The following MCF2L variants were observed in gnomAD, a reference collection of about 807,000 sequenced individuals.
MCF2L encodes the protein guanine nucleotide exchange factor DBS.
In MCF2L, 97 loss-of-function variants were observed where a neutral mutation model predicts 153.4. The ratio of observed to expected loss-of-function variants is 0.63; its 90% confidence interval spans 0.54 to 0.75. The LOEUF is 0.75. Ranked by LOEUF, MCF2L falls within the 30% of genes least tolerant of loss-of-function variation. The pLI is 0.00. For missense variants in MCF2L, 1,347 were observed against 1,495.2 expected, an observed-to-expected ratio of 0.90 and a Z score of 1.64; for synonymous variants, 659 against 632.2, an observed-to-expected ratio of 1.04 and a Z score of -0.64.
chr13:112,915,844 C>T (rs1228098777), intron 2 of MCF2L, among the ~76,000 whole-genome samples: 1 of 152,110 alleles, frequency 6.6e-6, no homozygotes, highest in Non-Finnish European at 1.5e-5. Flanking sequence ...CAATATTATA[C>T]TGGCCTTCAG....
intron 1 of MCF2L, among the ~76,000 whole-genome samples, chr13:112,972,214 T>A (rs1344686317): frequency 2.0e-5 from 3 of 151,806 alleles, no homozygotes; most frequent in African/African-American, 7.3e-5. Context: ...CATGGATAAA[T>A]GAGTGGATGG....
At chr13:113,065,153 C>T (rs757034293) in intron 7 of MCF2L, 68 bp downstream of exon 7, 16 of 1,558,962 alleles carry the variant, frequency 1.0e-5, no homozygotes, top group South Asian at 4.7e-5. Flanking sequence ...CGCGGGGCTC[C>T]GGTCGGAAGC....
At chr13:112,895,126 C>T (rs1264600565) in intron 1 of MCF2L, among the ~76,000 whole-genome samples, 1 of 152,176 alleles carries the variant, frequency 6.6e-6, no homozygotes, top group Non-Finnish European at 1.5e-5. Context: ...TTGCCGTGGG[C>T]CCTCTGTGGC....
At chr13:113,032,858 C>T (rs774123972) in intron 3 of MCF2L, among the ~76,000 whole-genome samples, 2 of 152,238 alleles carry the variant, frequency 1.3e-5, no homozygotes, top group Non-Finnish European at 2.9e-5. Context: ...TGTGAGCCAT[C>T]GTGCCCGCCT....
At chr13:112,968,281 C>G (rs2081931716), upstream of MCF2L, among the ~76,000 whole-genome samples, 1 of 152,184 alleles carries the variant, frequency 6.6e-6, no homozygotes, top group African/African-American at 2.4e-5. Context: ...TAAGGAAGGG[C>G]ATGTTACCTA....
chr13:113,090,160 G>A (rs2035065764), intron 26 of MCF2L: 1 of 1,533,036 alleles, frequency 6.5e-7, no homozygotes, highest in African/African-American at 1.4e-5. Flanking sequence ...AGGTCAGAAA[G>A]GTAAAAGTAG....
chr13:112,919,395 C>T (rs1339389879), intron 2 of MCF2L, among the ~76,000 whole-genome samples: 2 of 151,484 alleles, frequency 1.3e-5, no homozygotes, highest in Non-Finnish European at 2.9e-5. Context: ...TTAGTAGAGA[C>T]GGGGTTTCAC....
At chr13:113,061,477 C>T (rs1480046017) in intron 5 of MCF2L, among the ~76,000 whole-genome samples, 2 of 152,140 alleles carry the variant, frequency 1.3e-5, no homozygotes, top group African/African-American at 2.4e-5. Flanking sequence ...CAGAGCACCC[C>T]ATGGCACCAG....
intron 2 of MCF2L, among the ~76,000 whole-genome samples, chr13:113,016,819 C>T (rs889062351): frequency 2.0e-5 from 3 of 152,218 alleles, no homozygotes; most frequent in South Asian, 2.1e-4. Context: ...TCTCCCTCCT[C>T]GCCTGCGCTC....
At chr13:112,954,183 T>A (rs1193716705) in intron 2 of MCF2L, among the ~76,000 whole-genome samples, 1 of 152,122 alleles carries the variant, frequency 6.6e-6, no homozygotes, top group African/African-American at 2.4e-5. Context: ...GCCTGCTCTG[T>A]CTCCCTGGAA....
chr13:113,066,448 G>C (rs371931113), intron 8 of MCF2L, among the ~76,000 whole-genome samples: 2 of 152,210 alleles, frequency 1.3e-5, no homozygotes, highest in Non-Finnish European at 2.9e-5. Flanking sequence ...TGAAGGAGGC[G>C]TTAGGGGAAG....
At position 113,027,857 on chromosome 13, in the gene MCF2L, G is replaced by A. The variant is rs2085409950; in HGVS notation, c.278+3099G>A. ...CTCAGACCACATGGCCGTACCCCGA[G>A]GACGTAGGCTCCAGGTGTGCTGTGG... On this transcript the variant is annotated intron_variant, in intron 3 of 29. Transcript: ENST00000535094. The surrounding 1 kb of genome is among the most constrained non-coding windows in gnomAD (Gnocchi z 4.8). Among the ~76,000 whole-genome samples, 1 of 152,230 alleles carries A rather than the reference G, an allele frequency of 6.6e-6. No homozygotes were observed.
chr13:113,087,977 A>G (rs1459305401), intron 23 of MCF2L, among the ~76,000 whole-genome samples, 178 bp downstream of exon 23: 1 of 152,228 alleles, frequency 6.6e-6, no homozygotes, highest in Non-Finnish European at 1.5e-5. Context: ...AATGTGGGGA[A>G]AAGTACACAT....
At chr13:113,044,954 G>T (rs1476621284) in intron 3 of MCF2L, 3 of 1,581,462 alleles carry the variant, frequency 1.9e-6, no homozygotes, top group Non-Finnish European at 1.7e-6. Context: ...AAAATGACTC[G>T]GCTCTTACTG....
chr13:112,976,739 G>T (rs1261864094), intron 1 of MCF2L, among the ~76,000 whole-genome samples: 1 of 152,198 alleles, frequency 6.6e-6, no homozygotes, highest in Non-Finnish European at 1.5e-5. Context: ...TCGGTGAGTG[G>T]CCTCTCAGAC....
Position 113,078,627 on chromosome 13 carries a change from C to T in MCF2L, c.1735-39C>T, listed in dbSNP as rs761670025. 7.6e-6 allele frequency: 12 copies of T among 1,581,384 alleles called. No homozygotes were observed. The East Asian group carries it at 9.0e-5, about 12-fold the overall frequency. ...CCTTGAGAGTTGGCCCTTGAGGTTCCGTCCCGCCTTTCAGACCTGACGCTG... is the reference window on the plus strand; with the variant it reads ...CCTTGAGAGTTGGCCCTTGAGGTTCTGTCCCGCCTTTCAGACCTGACGCTG... On this transcript the variant is annotated intron_variant, in intron 14 of 29. Transcript: ENST00000535094.
chr13:113,063,084 G>A (rs2031779262), intron 5 of MCF2L, among the ~76,000 whole-genome samples: 1 of 152,210 alleles, frequency 6.6e-6, no homozygotes, highest in South Asian at 2.1e-4. Context: ...CATGTCCTTG[G>A]CCATCACAGG....
At chr13:113,006,923 G>C (rs113780462) in intron 1 of MCF2L, among the ~76,000 whole-genome samples, 3 of 152,290 alleles carry the variant, frequency 2.0e-5, no homozygotes, top group African/African-American at 7.2e-5. Flanking sequence ...AGCGGGTAGG[G>C]CTGTGACCGG....
chr13:113,084,617 G>A (rs1594985143), intron 18 of MCF2L: 12 of 492,808 alleles, frequency 2.4e-5, no homozygotes, highest in Middle Eastern at 5.2e-4. Flanking sequence ...GAATGGCTGC[G>A]GTGGAACCCC....
Sources: gnomAD v4.1 joint callset for allele counts (sites outside exome capture counted in the v4.1 genomes callset) on GRCh38, gnomAD v4.1.1 for gene constraint, Gnocchi (gnomAD v3.1) non-coding constraint, MANE v1.5 for transcripts, NCBI Gene and HGNC (gene_info 2026-07-23, HGNC 2026-07-21) for gene names.